Variants in SMYD2 observed in about 807,000 individuals in gnomAD.
The protein encoded by SMYD2 is N-lysine methyltransferase SMYD2.
Under a neutral mutation model 59.1 loss-of-function variants are expected in SMYD2, and 53 were observed. That is an observed-to-expected ratio of 0.90 (90% CI 0.72 to 1.13). The LOEUF (loss-of-function observed/expected upper bound fraction) is 1.13. SMYD2 is among the 50% of genes most tolerant of loss of function. The pLI is 0.00. For missense variants in SMYD2, 494 were observed against 544.7 expected, an observed-to-expected ratio of 0.91 and a Z score of 0.93; for synonymous variants, 208 against 198.8, an observed-to-expected ratio of 1.05 and a Z score of -0.39.
chr1:214,332,094 C>T lies in SMYD2; in HGVS notation c.1014C>T (p.Tyr338=), dbSNP rs1236276433. The T allele has an allele frequency of 6.2e-7, 1 of 1,613,996 alleles. No individual in the cohort carries two copies. The highest frequency in any genetic ancestry group is 1.3e-5 in the African/African-American group (1 of 74,900). Residue 338 remains tyrosine (Y), a synonymous_variant, in exon 10 of 12, where the codon TAC becomes TAT. Transcript: ENST00000366957. The part of the protein sequence containing the change: ...MSSVFEDSNV[Y]MLHMMYQAMG... ...CTGTGTTTGAGGACAGTAACGTGTA[C>T]ATGTTGCACATGATGTACCAGGCCA...
chr1:214,335,569 C>A (rs1276525148), intron 11 of SMYD2, among the ~76,000 whole-genome samples: 2 of 152,298 alleles, frequency 1.3e-5, no homozygotes, highest in East Asian at 3.9e-4. Flanking sequence ...ATTAAAAATT[C>A]TCTGGGGGAA....
chr1:214,330,804 A>G, intron 8 of SMYD2, 146 bp from the exon 9 acceptor site: 1 of 1,227,276 alleles, frequency 8.1e-7, no homozygotes, highest in Non-Finnish European at 1.1e-6. Flanking sequence ...CTTCAGATGC[A>G]TTGCCTGATT....
chr1:214,335,818 C>G (rs1464172527), intron 11 of SMYD2, among the ~76,000 whole-genome samples: 1 of 152,154 alleles, frequency 6.6e-6, no homozygotes, highest in Non-Finnish European at 1.5e-5. Flanking sequence ...GAAACTTGAC[C>G]ATGTTACATT....
chr1:214,320,889 G>C (rs1657162278), intron 5 of SMYD2, among the ~76,000 whole-genome samples: 1 of 152,128 alleles, frequency 6.6e-6, no homozygotes, highest in South Asian at 2.1e-4. Flanking sequence ...TAAGTATCCT[G>C]AGACAATAGA....
At chr1:214,332,216 C>T in intron 10 of SMYD2, 24 bp downstream of exon 10, 2 of 1,611,098 alleles carry the variant, frequency 1.2e-6, no homozygotes, top group Non-Finnish European at 1.7e-6. Flanking sequence ...CTGTTCTAAT[C>T]ATCCACGGAG....
chr1:214,309,285 C>T (rs193242606), intron 2 of SMYD2, among the ~76,000 whole-genome samples: 10 of 152,074 alleles, frequency 6.6e-5, no homozygotes, highest in Admixed American at 2.6e-4. Context: ...TAGTTGGGTG[C>T]GTTATTTTGT....
At chr1:214,294,604 G>C (rs1656693814) in intron 1 of SMYD2, among the ~76,000 whole-genome samples, 2 of 150,010 alleles carry the variant, frequency 1.3e-5, no homozygotes, top group South Asian at 2.1e-4. Flanking sequence ...CCGGGAGGCA[G>C]AGGTTGTAGT....
At chr1:214,336,237 T>TA (rs957791106) in intron 11 of SMYD2, among the ~76,000 whole-genome samples, 29 of 151,542 alleles carry the variant, frequency 1.9e-4, no homozygotes, top group Admixed American at 4.0e-4. Context: ...TCTCCTTTTT[T>TA]AAAAAAAAAC....
intron 1 of SMYD2, among the ~76,000 whole-genome samples, chr1:214,292,029 A>G (rs1656643263): frequency 6.6e-6 from 1 of 151,662 alleles, no homozygotes; most frequent in Non-Finnish European, 1.5e-5. Flanking sequence ...CCAATATTTA[A>G]TTGATTTCTG....
At chr1:214,292,747 C>G (rs766956061) in intron 1 of SMYD2, among the ~76,000 whole-genome samples, 5 of 152,020 alleles carry the variant, frequency 3.3e-5, no homozygotes, top group Non-Finnish European at 5.9e-5. Context: ...TACTAAGTGC[C>G]CCTCCCATCG....
At chr1:214,324,496 G>A (rs567237504) in intron 5 of SMYD2, 145 bp from the exon 6 acceptor site, 15 of 675,046 alleles carry the variant, frequency 2.2e-5, no homozygotes, top group Admixed American at 3.0e-5. Context: ...TTGTTTGAAC[G>A]ATAACATGGG....
chr1:214,333,977 C>T (rs1169068615), intron 10 of SMYD2: 5 of 421,966 alleles, frequency 1.2e-5, no homozygotes, highest in Non-Finnish European at 2.2e-5. Context: ...TGTTACGTAG[C>T]TTTTCAGAAA....
intron 2 of SMYD2, among the ~76,000 whole-genome samples, chr1:214,305,564 A>T (rs1011010513): frequency 6.6e-6 from 1 of 152,256 alleles, no homozygotes; most frequent in Non-Finnish European, 1.5e-5. Flanking sequence ...AAACAATATT[A>T]AAATGCTATC....
In SMYD2 at chr1:214,312,292, A is replaced by G. The variant is rs1657010092; in HGVS notation, c.238-2470A>G. ...GGGATCAGTGTGGAGGGAAGCGGGT[A>G]GGGAGATATCTTCATTCCTTCAACA... On this transcript the variant is annotated intron_variant, in intron 2 of 11. Transcript: ENST00000366957. The surrounding 1 kb of genome is among the most constrained non-coding windows in gnomAD (Gnocchi z 4.1). 6.6e-6 allele frequency among the ~76,000 whole-genome samples: 1 copy of G among 152,218 alleles called. No homozygotes were observed. The highest frequency in any genetic ancestry group is 1.5e-5 in the Non-Finnish European group (1 of 68,044).
chr1:214,300,963 A>T (rs1353719), intron 1 of SMYD2, among the ~76,000 whole-genome samples: 6,570 of 152,336 alleles, frequency 0.043, 460 homozygotes, highest in African/African-American at 0.15. Flanking sequence ...AGCAATCATT[A>T]TGTATCATAT....
intron 11 of SMYD2, 21 bp from the exon 12 acceptor site, chr1:214,336,683 G>T: frequency 6.2e-7 from 1 of 1,612,048 alleles, no homozygotes; most frequent in Non-Finnish European, 8.5e-7. Flanking sequence ...GGCTCTCATT[G>T]TTTGTCTTGC....
intron 11 of SMYD2, among the ~76,000 whole-genome samples, chr1:214,334,956 G>A (rs1356432334): frequency 6.6e-6 from 1 of 152,210 alleles, no homozygotes; most frequent in African/African-American, 2.4e-5. Context: ...ACCCTGGGCA[G>A]CATTCGCCTT....
intron 11 of SMYD2, 118 bp downstream of exon 11, chr1:214,334,426 AC>A (rs1657404866): frequency 6.6e-6 from 6 of 914,350 alleles, no homozygotes; most frequent in Admixed American, 6.0e-5. Context: ...GCTCTCACCC[AC>A]CCTCTTGCCG....
Position 214,324,724 on chromosome 1 carries a change from C to A in SMYD2, c.602+16C>A. On this transcript the variant is annotated intron_variant, in intron 6 of 11. Transcript: ENST00000366957. ...TATTTCCTGAGTAGGCTGTGTTTGA[C>A]TTCATTTCTTTCCTTTTTACTTACT... The A allele has an allele frequency of 6.3e-7, 1 of 1,599,060 alleles. No individual in the cohort carries two copies. Among genetic ancestry groups the A allele is most frequent in the Non-Finnish European group, 8.5e-7 (1 of 1,173,590 alleles).
Sources: gnomAD v4.1 joint callset for allele counts (sites outside exome capture counted in the v4.1 genomes callset) on GRCh38, gnomAD v4.1.1 for gene constraint, Gnocchi (gnomAD v3.1) non-coding constraint, MANE v1.5 for transcripts, NCBI Gene and HGNC (gene_info 2026-07-23, HGNC 2026-07-21) for gene names.